Variants in PCSK2 observed in about 807,000 individuals in gnomAD.
The protein encoded by PCSK2 is neuroendocrine convertase 2.
In PCSK2, 14 loss-of-function variants were observed where a neutral mutation model predicts 69.7. That is an observed-to-expected ratio of 0.20 (90% CI 0.13 to 0.31). The LOEUF (loss-of-function observed/expected upper bound fraction) is 0.31. Ranked by LOEUF, PCSK2 falls within the 10% of genes least tolerant of loss-of-function variation. The pLI, the probability that PCSK2 is intolerant of heterozygous loss-of-function variation, is 1.00. For synonymous variants in PCSK2, 307 were observed against 320.7 expected (o/e 0.96, Z 0.46); for missense variants, 544 against 842.5 (o/e 0.65, Z 4.39).
chr20:17,322,846 C>T (rs1447138216), intron 2 of PCSK2, among the ~76,000 whole-genome samples: 6 of 152,060 alleles, frequency 3.9e-5, no homozygotes, highest in Admixed American at 3.9e-4. Context: ...CCAAAAGGCC[C>T]CAGTTCTTTT....
chr20:17,302,787 G>T (rs535107084), intron 2 of PCSK2, among the ~76,000 whole-genome samples: 23 of 152,238 alleles, frequency 1.5e-4, no homozygotes, highest in Admixed American at 1.3e-3. Context: ...TTCAGTACTG[G>T]TTACGAATAG....
At chr20:17,274,258 G>C (rs1454275904) in intron 2 of PCSK2, among the ~76,000 whole-genome samples, 1 of 152,076 alleles carries the variant, frequency 6.6e-6, no homozygotes, top group African/African-American at 2.4e-5. Flanking sequence ...CCAGTCTCTG[G>C]CTATTGAGAA....
chr20:17,348,554 G>A (rs576283284), intron 2 of PCSK2, among the ~76,000 whole-genome samples: 6 of 152,324 alleles, frequency 3.9e-5, no homozygotes, highest in African/African-American at 1.2e-4. Context: ...CTGCTGGAGT[G>A]TCGTGTCAGT....
chr20:17,432,871 A>C (rs1013835457), intron 7 of PCSK2, among the ~76,000 whole-genome samples: 4 of 152,238 alleles, frequency 2.6e-5, no homozygotes, highest in African/African-American at 9.6e-5. Flanking sequence ...CCCCTGCCCC[A>C]TATAGCTCAC....
chr20:17,413,063 G>A lies in PCSK2; in HGVS notation c.620+3724G>A, dbSNP rs2031914381. 2.0e-5 allele frequency among the ~76,000 whole-genome samples: 3 copies of A among 152,196 alleles called. No homozygotes were observed. The South Asian group carries it at 6.2e-4, about 32-fold the overall frequency. The stretch of plus-strand genomic sequence containing the variant: ...ACATGGAAAGGAACAACCAGTACCA[G>A]CCACTGCAAAAACACCCCAAATTGC... On this transcript the variant is annotated intron_variant, in intron 6 of 11. Transcript: ENST00000262545.
chr20:17,311,615 G>T (rs896594063), intron 2 of PCSK2, among the ~76,000 whole-genome samples: 6 of 152,154 alleles, frequency 3.9e-5, no homozygotes, highest in African/African-American at 1.4e-4. Context: ...CGTTGACAAA[G>T]ATGGATGTGT....
At chr20:17,307,908 G>A (rs764939939) in intron 2 of PCSK2, among the ~76,000 whole-genome samples, 16 of 152,198 alleles carry the variant, frequency 1.1e-4, no homozygotes, top group Non-Finnish European at 1.8e-4. Flanking sequence ...TGTACAGGAA[G>A]CATAGTGGCT....
intron 2 of PCSK2, among the ~76,000 whole-genome samples, chr20:17,282,187 C>T (rs916174686): frequency 6.6e-6 from 1 of 152,006 alleles, no homozygotes; most frequent in Non-Finnish European, 1.5e-5. Context: ...GTTTATATAG[C>T]TGTGTATCTG....
intron 5 of PCSK2, among the ~76,000 whole-genome samples, chr20:17,391,906 G>GAGGAAGGAAGGAAGAAAGGA (rs1555792738): frequency 3.0e-5 from 3 of 100,010 alleles, no homozygotes; most frequent in African/African-American, 1.2e-4. Flanking sequence ...GAAAGAGAGA[G>GAGGAAGGAAGGAAGAAAGGA]AGGAAGGAAG....
intron 1 of PCSK2, among the ~76,000 whole-genome samples, chr20:17,247,810 A>G (rs1190678264): frequency 6.6e-6 from 1 of 152,246 alleles, no homozygotes. Flanking sequence ...ATGAGAATTT[A>G]ACACTTCTTT....
chr20:17,303,497 TATAATATATATTATATATA>T (rs1989202450), intron 2 of PCSK2, among the ~76,000 whole-genome samples: 2 of 40,686 alleles, frequency 4.9e-5, no homozygotes, highest in African/African-American at 8.4e-5. Flanking sequence ...TTATATTTAA[TATAATATATATTATATATA>T]ATATAATATA....
chr20:17,269,758 A>G (rs981844375), intron 2 of PCSK2, among the ~76,000 whole-genome samples: 3 of 152,150 alleles, frequency 2.0e-5, no homozygotes, highest in Non-Finnish European at 4.4e-5. Flanking sequence ...TTACCAGGAA[A>G]CAGCCTCTGT....
At chr20:17,277,346 G>T (rs1988122458) in intron 2 of PCSK2, among the ~76,000 whole-genome samples, 2 of 152,094 alleles carry the variant, frequency 1.3e-5, no homozygotes, top group Non-Finnish European at 2.9e-5. Flanking sequence ...AACCAAAACA[G>T]CATGGTACTG....
At chr20:17,396,752 G>A (rs1263730080) in intron 5 of PCSK2, among the ~76,000 whole-genome samples, 1 of 152,098 alleles carries the variant, frequency 6.6e-6, no homozygotes, top group Non-Finnish European at 1.5e-5. Flanking sequence ...GAGTAGCTGG[G>A]ACTACAGGTG....
intron 3 of PCSK2, among the ~76,000 whole-genome samples, chr20:17,359,178 CAA>C (rs1477657844): frequency 6.6e-6 from 1 of 152,148 alleles, no homozygotes; most frequent in Non-Finnish European, 1.5e-5. Context: ...AAGTGATGAA[CAA>C]GAGAGAGAAC....
intron 2 of PCSK2, among the ~76,000 whole-genome samples, chr20:17,339,410 C>G (rs556587875): frequency 2.6e-5 from 4 of 152,150 alleles, no homozygotes; most frequent in Admixed American, 2.6e-4. Context: ...GCTCATGATC[C>G]GTCGACATTT....
At chr20:17,278,911 T>A (rs867085603) in intron 2 of PCSK2, among the ~76,000 whole-genome samples, 8 of 151,838 alleles carry the variant, frequency 5.3e-5, no homozygotes, top group Admixed American at 2.6e-4. Flanking sequence ...CCCTACATTG[T>A]CTAATAGTTT....
chr20:17,364,397 C>T lies in PCSK2; in HGVS notation c.505+3757C>T, dbSNP rs111759531. ...TTCACATTGCTGATAAAGACATACC[C>T]AGACTGGGTAATTTATAAAGAAAAA... On this transcript the variant is annotated intron_variant, in intron 4 of 11. Transcript: ENST00000262545. Among the ~76,000 whole-genome samples the T allele has an allele frequency of 2.9e-3, 444 of 152,196 alleles. 3 individuals carry two copies. The highest frequency in any genetic ancestry group is 0.01 in the African/African-American group (427 of 41,528).
At chr20:17,296,457 C>T (rs574479859) in intron 2 of PCSK2, among the ~76,000 whole-genome samples, 1 of 152,188 alleles carries the variant, frequency 6.6e-6, no homozygotes, top group Non-Finnish European at 1.5e-5. Flanking sequence ...AAACCACTCG[C>T]GCCCCTCTCA....
Sources: gnomAD v4.1 joint callset for allele counts (sites outside exome capture counted in the v4.1 genomes callset) on GRCh38, gnomAD v4.1.1 for gene constraint, MANE v1.5 for transcripts, NCBI Gene and HGNC (gene_info 2026-07-23, HGNC 2026-07-21) for gene names.